The following AOAH variants were observed in gnomAD, a reference collection of about 807,000 sequenced individuals.
AOAH encodes the protein acyloxyacyl hydrolase.
In AOAH, 64 loss-of-function variants were observed where a neutral mutation model predicts 92.2. The ratio of observed to expected loss-of-function variants is 0.69; its 90% CI spans 0.57 to 0.86. AOAH has a LOEUF of 0.86. Ranked by LOEUF, AOAH falls within the 40% of genes least tolerant of loss-of-function variation. The probability of loss-of-function intolerance (pLI) is 0.00; values close to 1 mark genes in which losing one functional copy is unlikely to be tolerated. For missense variants in AOAH, 656 were observed against 694.6 expected, an observed-to-expected ratio of 0.94 and a Z score of 0.62; for synonymous variants, 263 against 254.5, an observed-to-expected ratio of 1.03 and a Z score of -0.32.
intron 16 of AOAH, among the ~76,000 whole-genome samples, chr7:36,534,231 C>T (rs1455798264): frequency 6.6e-6 from 1 of 152,214 alleles, no homozygotes; most frequent in Non-Finnish European, 1.5e-5. Flanking sequence ...CCCTCTCCTG[C>T]TGTCCTTCTG....
chr7:36,563,110 G>A (rs1787399791), intron 13 of AOAH, among the ~76,000 whole-genome samples: 1 of 118,602 alleles, frequency 8.4e-6, no homozygotes, highest in South Asian at 3.0e-4. Context: ...TCGTGCCACT[G>A]CACTCCAGCC....
intron 1 of AOAH, among the ~76,000 whole-genome samples, chr7:36,717,742 T>TTTTG (rs70977187): frequency 6.7e-6 from 1 of 149,196 alleles, no homozygotes; most frequent in East Asian, 2.0e-4. Context: ...TTTTTTTTTT[T>TTTTG]GCTTAGCCTA....
intron 12 of AOAH, among the ~76,000 whole-genome samples, chr7:36,590,470 G>A (rs1789666182): frequency 6.6e-6 from 1 of 152,144 alleles, no homozygotes; most frequent in African/African-American, 2.4e-5. Context: ...CTAAAGGTTT[G>A]TAAAACTAAG....
chr7:36,602,925 T>C (rs1356865950), intron 11 of AOAH, among the ~76,000 whole-genome samples: 1 of 152,160 alleles, frequency 6.6e-6, no homozygotes, highest in East Asian at 1.9e-4. Context: ...CTCTTTCACT[T>C]TATACCAAGA....
chr7:36,556,232 T>A (rs1455018238), intron 13 of AOAH, among the ~76,000 whole-genome samples: 4 of 152,334 alleles, frequency 2.6e-5, no homozygotes, highest in African/African-American at 4.8e-5. Context: ...TGCCTTCATT[T>A]CGTTATGTAC....
At chr7:36,700,263 C>T (rs1051540341) in intron 1 of AOAH, among the ~76,000 whole-genome samples, 4 of 151,834 alleles carry the variant, frequency 2.6e-5, no homozygotes, top group East Asian at 1.9e-4. Flanking sequence ...CTGGGCTTTT[C>T]GTGTAACCAT....
At chr7:36,662,984 G>A (rs1795307461) in intron 3 of AOAH, among the ~76,000 whole-genome samples, 1 of 152,208 alleles carries the variant, frequency 6.6e-6, no homozygotes, top group South Asian at 2.1e-4. Flanking sequence ...TGCATAAGAA[G>A]TGGCAGTATG....
chr7:36,569,064 CT>C (rs1787911264), intron 13 of AOAH, among the ~76,000 whole-genome samples: 1 of 152,122 alleles, frequency 6.6e-6, no homozygotes, highest in Non-Finnish European at 1.5e-5. Context: ...TATCCAGACA[CT>C]TCATGTGAGT....
intron 1 of AOAH, among the ~76,000 whole-genome samples, chr7:36,693,101 C>A (rs1009669884): frequency 2.6e-5 from 4 of 152,146 alleles, no homozygotes; most frequent in South Asian, 2.1e-4. Flanking sequence ...TTGTGAAGCA[C>A]CTTGAAGGCC....
chr7:36,585,936 A>T (rs1789293442), intron 12 of AOAH, among the ~76,000 whole-genome samples: 2 of 152,174 alleles, frequency 1.3e-5, no homozygotes, highest in Non-Finnish European at 2.9e-5. Flanking sequence ...TTAAAAATGA[A>T]AAATTAAAAA....
rs1268550144 is a variant in AOAH at position 36,659,269 on chromosome 7, G to A, written c.291-4C>T. 1.9e-6 allele frequency: 3 copies of A among 1,612,372 alleles called. No homozygotes were observed. Among genetic ancestry groups the A allele is most frequent in the African/African-American group, 1.3e-5 (1 of 74,988 alleles). On this transcript the variant is annotated splice_polypyrimidine_tract_variant and splice_region_variant and intron_variant, in intron 3 of 20. Transcript: ENST00000617537. The stretch of plus-strand genomic sequence containing the variant: ...AGCATTCATATCTGCGCTAAGCCTG[G>A]AGGGAAACGGTGCAAAACAAAGGCT...
chr7:36,677,176 C>T (rs1163849144), intron 2 of AOAH, among the ~76,000 whole-genome samples: 1 of 152,036 alleles, frequency 6.6e-6, no homozygotes, highest in African/African-American at 2.4e-5. Context: ...AAATTTTTGC[C>T]AATCATATAT....
At chr7:36,526,383 A>G (rs1345767357) in intron 19 of AOAH, among the ~76,000 whole-genome samples, 1 of 152,158 alleles carries the variant, frequency 6.6e-6, no homozygotes, top group African/African-American at 2.4e-5. Context: ...TTTATTTAGG[A>G]TTTTATCTGT....
At chr7:36,629,461 T>C (rs979181673) in intron 6 of AOAH, among the ~76,000 whole-genome samples, 1 of 152,140 alleles carries the variant, frequency 6.6e-6, no homozygotes, top group Admixed American at 6.5e-5. Context: ...GATGACATGA[T>C]TGGGGGCCTG....
intron 19 of AOAH, among the ~76,000 whole-genome samples, chr7:36,522,850 C>G (rs1784174498): frequency 6.6e-6 from 1 of 152,162 alleles, no homozygotes; most frequent in African/African-American, 2.4e-5. Context: ...TGCCCAGCGT[C>G]CAGTGAGGGG....
At chr7:36,641,242 G>T (rs1793886766) in intron 4 of AOAH, among the ~76,000 whole-genome samples, 1 of 152,124 alleles carries the variant, frequency 6.6e-6, no homozygotes, top group South Asian at 2.1e-4. Context: ...TTTACAGTGT[G>T]CCAGATCATA....
chr7:36,645,113 A>G (rs369772124), intron 4 of AOAH, among the ~76,000 whole-genome samples: 1 of 152,188 alleles, frequency 6.6e-6, no homozygotes, highest in Non-Finnish European at 1.5e-5. Context: ...AGCATGAGGC[A>G]GTGTCTGTGC....
At chr7:36,611,877 A>G (rs1194608183) in intron 11 of AOAH, among the ~76,000 whole-genome samples, 2 of 152,164 alleles carry the variant, frequency 1.3e-5, no homozygotes, top group Admixed American at 6.5e-5. Context: ...TCATTTACAG[A>G]GTCTCTGGTT....
chr7:36,718,722 TC>T (rs1799420051), intron 1 of AOAH, among the ~76,000 whole-genome samples: 1 of 152,168 alleles, frequency 6.6e-6, no homozygotes, highest in Admixed American at 6.6e-5. Context: ...TTTTATATTA[TC>T]GTATTTATGT....
Sources: allele counts gnomAD v4.1 joint callset (sites outside exome capture counted in the v4.1 genomes callset), GRCh38; gene constraint gnomAD v4.1.1; transcripts MANE v1.5; gene names NCBI Gene and HGNC (gene_info 2026-07-23, HGNC 2026-07-21).